Variants in DCTN4 observed in about 807,000 individuals in gnomAD.
DCTN4 encodes the protein dynactin 4 (p62).
DCTN4 carries 23 observed loss-of-function variants against 62.7 expected under a neutral mutation model. The ratio of observed to expected loss-of-function variants is 0.37; its 90% CI spans 0.26 to 0.52. The LOEUF is 0.52. DCTN4 is among the 20% of genes least tolerant of loss of function. The pLI, the probability that DCTN4 is intolerant of heterozygous loss-of-function variation, is 0.92. For missense variants in DCTN4, 514 were observed against 580.4 expected (o/e 0.89, Z 1.18); for synonymous variants, 199 against 202.1 (o/e 0.98, Z 0.13).
In DCTN4 at chr5:150,709,932, A is replaced by C. The variant is rs753633874; in HGVS notation, c.*1217T>G. 11 of 152,350 alleles carry C rather than the reference A, an allele frequency of 7.2e-5. No individual in the cohort carries two copies. The highest frequency in any genetic ancestry group is 1.6e-4 in the Non-Finnish European group (11 of 68,054). The allele number at this position is 152,350 out of a possible 1,614,324, so 9.4% of individuals were successfully genotyped here. ...TACTTTATCAAGTTTCATTTTAGAA[A>C]ACATCATAGAAATTAAGGTTAGCAA... is the stretch of plus-strand genomic sequence containing the variant. On this transcript the variant is annotated 3_prime_UTR_variant, in exon 13 of 13. Coordinates refer to ENST00000447998, the MANE Select transcript of DCTN4 (RefSeq NM_016221.4).
chr5:150,751,216 C>T (rs1752665686), intron 3 of DCTN4, among the ~76,000 whole-genome samples: 1 of 152,026 alleles, frequency 6.6e-6, no homozygotes, highest in African/African-American at 2.4e-5. Context: ...ATAGTTCTAA[C>T]TTAAGTGGTT....
chr5:150,743,744 T>C (rs1760856408), intron 3 of DCTN4, among the ~76,000 whole-genome samples: 1 of 152,198 alleles, frequency 6.6e-6, no homozygotes, highest in South Asian at 2.1e-4. Flanking sequence ...GAGGGTCCTG[T>C]CTGTTAGAAG....
At position 150,711,124 on chromosome 5, in the gene DCTN4, G is replaced by A. The variant is rs374616347; in HGVS notation, c.*25C>T. 1 of 1,604,098 alleles carries A rather than the reference G, an allele frequency of 6.2e-7. No individual in the cohort carries two copies. On this transcript the variant is annotated 3_prime_UTR_variant, in exon 13 of 13. Coordinates refer to ENST00000447998, the MANE Select transcript of DCTN4 (RefSeq NM_016221.4). ...CAGGTTTACGGTGATACTGTCCTTT[G>A]GGATCTGCCCTCCAGTGGAACCTTT...
chr5:150,753,326 C>CA (rs1192438682), intron 3 of DCTN4, among the ~76,000 whole-genome samples, 153 bp downstream of exon 3: 1 of 152,172 alleles, frequency 6.6e-6, no homozygotes, highest in Admixed American at 6.5e-5. Context: ...CTAAGGTCTA[C>CA]AAATGTGAAC....
intron 11 of DCTN4, among the ~76,000 whole-genome samples, chr5:150,716,262 AT>A (rs1027825347): frequency 6.6e-6 from 1 of 151,204 alleles, no homozygotes; most frequent in South Asian, 2.1e-4. Context: ...ATTATTCCTC[AT>A]TTTTTTTTGA....
At chr5:150,748,290 G>C (rs1305248650) in intron 3 of DCTN4, among the ~76,000 whole-genome samples, 1 of 149,856 alleles carries the variant, frequency 6.7e-6, no homozygotes, top group Non-Finnish European at 1.5e-5. Flanking sequence ...GGAAACAACA[G>C]GTGCTGGAGA....
At chr5:150,746,862 C>T (rs1421787609) in intron 3 of DCTN4, among the ~76,000 whole-genome samples, 2 of 152,086 alleles carry the variant, frequency 1.3e-5, no homozygotes, top group Admixed American at 6.5e-5. Context: ...GGAAGCAATC[C>T]CTTTGAAAAC....
intron 8 of DCTN4, among the ~76,000 whole-genome samples, chr5:150,724,434 GA>G (rs1160588469): frequency 1.3e-5 from 2 of 152,132 alleles, no homozygotes; most frequent in Non-Finnish European, 2.9e-5. Flanking sequence ...TCTTTGGCAT[GA>G]GGGTACAAGT....
chr5:150,758,542 G>C (rs1312696614), intron 1 of DCTN4: 1 of 1,053,506 alleles, frequency 9.5e-7, no homozygotes, highest in African/African-American at 1.7e-5. Context: ...TAAGTGGCCT[G>C]AACTAAGCAC....
At chr5:150,727,583 C>T (rs1012634978) in intron 8 of DCTN4, among the ~76,000 whole-genome samples, 28 of 151,642 alleles carry the variant, frequency 1.8e-4, no homozygotes, top group Middle Eastern at 3.4e-3. Context: ...GAGACCATCC[C>T]GGCTAAAACG....
At chr5:150,731,376 CCTGCTGTT>C in intron 6 of DCTN4, 32 bp downstream of exon 6, 1 of 1,493,716 alleles carries the variant, frequency 6.7e-7, no homozygotes, top group Non-Finnish European at 9.3e-7. Context: ...CATTTTGATA[CCTGCTGTT>C]CTCCTCAAAG....
At chr5:150,714,074 C>T (rs1254009047) in intron 12 of DCTN4, among the ~76,000 whole-genome samples, 3 of 152,170 alleles carry the variant, frequency 2.0e-5, no homozygotes, top group South Asian at 2.1e-4. Context: ...CAGGAGATCA[C>T]GCCATTGCAC....
At chr5:150,738,553 C>T (rs554961942) in intron 4 of DCTN4, among the ~76,000 whole-genome samples, 5 of 152,218 alleles carry the variant, frequency 3.3e-5, no homozygotes, top group African/African-American at 1.2e-4. Flanking sequence ...TAGCATTTGA[C>T]AAAATCCAGC....
intron 4 of DCTN4, among the ~76,000 whole-genome samples, chr5:150,740,684 T>C (rs968289924): frequency 1.3e-5 from 2 of 152,154 alleles, no homozygotes; most frequent in African/African-American, 4.8e-5. Flanking sequence ...ATAAAGAATA[T>C]GTGGTATGTA....
At chr5:150,746,665 T>C (rs1169259056) in intron 3 of DCTN4, among the ~76,000 whole-genome samples, 3 of 152,148 alleles carry the variant, frequency 2.0e-5, no homozygotes, top group Admixed American at 2.0e-4. Context: ...ACCCAGCATA[T>C]AAACAGAGCC....
chr5:150,729,896 G>T (rs1760295345), intron 8 of DCTN4, among the ~76,000 whole-genome samples: 1 of 151,094 alleles, frequency 6.6e-6, no homozygotes, highest in Non-Finnish European at 1.5e-5. Context: ...TCCTCCCCTG[G>T]GCCCTTTCTT....
intron 8 of DCTN4, among the ~76,000 whole-genome samples, chr5:150,725,301 T>C (rs1760103442): frequency 6.6e-6 from 1 of 151,878 alleles, no homozygotes. Flanking sequence ...AAAAGTGAAG[T>C]TGATGAGACA....
chr5:150,729,943 T>C (rs961457202), intron 8 of DCTN4, among the ~76,000 whole-genome samples: 11 of 152,128 alleles, frequency 7.2e-5, no homozygotes, highest in African/African-American at 2.4e-4. Flanking sequence ...GTAAACTCTA[T>C]ACATTGTGTT....
At chr5:150,729,843 T>C (rs930635327) in intron 8 of DCTN4, among the ~76,000 whole-genome samples, 2 of 152,046 alleles carry the variant, frequency 1.3e-5, no homozygotes, top group African/African-American at 2.4e-5. Context: ...TCTCAAAGAT[T>C]TCACAAATTT....
Sources: gnomAD v4.1 joint callset for allele counts (sites outside exome capture counted in the v4.1 genomes callset) on GRCh38, gnomAD v4.1.1 for gene constraint, MANE v1.5 for transcripts, NCBI Gene and HGNC (gene_info 2026-07-23, HGNC 2026-07-21) for gene names.